PHACTR1: variants seen among roughly 807,000 people sequenced by gnomAD.
PHACTR1 encodes the protein phosphatase and actin regulator 1.
PHACTR1 carries 16 observed loss-of-function variants against 69.2 expected under a neutral mutation model. That is an observed-to-expected ratio of 0.23 (90% CI 0.16 to 0.35). The LOEUF (loss-of-function observed/expected upper bound fraction) is 0.35, where lower values mean the gene tolerates loss of function less well. PHACTR1 is among the 10% of genes least tolerant of loss of function. The pLI is 1.00. For missense variants in PHACTR1, 510 were observed against 734.7 expected, an observed-to-expected ratio of 0.69 and a Z score of 3.54; for synonymous variants, 312 against 284.5, an observed-to-expected ratio of 1.10 and a Z score of -0.97.
At chr6:12,912,214 G>A (rs1786491973) in intron 4 of PHACTR1, among the ~76,000 whole-genome samples, 1 of 152,146 alleles carries the variant, frequency 6.6e-6, no homozygotes, top group Non-Finnish European at 1.5e-5. Flanking sequence ...TGGCCAGGCT[G>A]GTCTTGAACT....
At chr6:13,258,142 G>T (rs942825139) in intron 10 of PHACTR1, among the ~76,000 whole-genome samples, 1 of 152,130 alleles carries the variant, frequency 6.6e-6, no homozygotes, top group African/African-American at 2.4e-5. Context: ...TGGATCACCT[G>T]AGGTCAGGAG....
chr6:12,924,641 G>A (rs1582513909), intron 4 of PHACTR1, among the ~76,000 whole-genome samples: 1 of 151,990 alleles, frequency 6.6e-6, no homozygotes, highest in East Asian at 1.9e-4. Flanking sequence ...GGGCAAGGGT[G>A]GCAGGCACCT....
chr6:13,122,649 A>T (rs1273228859), intron 5 of PHACTR1, among the ~76,000 whole-genome samples: 1 of 152,256 alleles, frequency 6.6e-6, no homozygotes, highest in East Asian at 1.9e-4. Context: ...CTACTTTTAA[A>T]TACTTAAAAT....
rs550837236 is a variant in PHACTR1 at position 13,120,803 on chromosome 6, G to C, written c.416-39401G>C. Among the ~76,000 whole-genome samples the C allele has an allele frequency of 1.5e-3, 233 of 152,258 alleles. 2 individuals are homozygous for C. Among genetic ancestry groups the C allele is most frequent in the Admixed American group, 2.4e-3 (37 of 15,296 alleles). On this transcript the variant is annotated intron_variant, in intron 5 of 14. Transcript: ENST00000332995. ...AGGACTCCATGCAGTCCTCATTATT[G>C]TTGTCATTTTAAAGCACATGTTTGC...
rs201623708 is a variant in PHACTR1, at chr6:13,187,061, C to T, written c.664+4375C>T. On this transcript the variant is annotated intron_variant, in intron 7 of 14. Coordinates refer to ENST00000332995, the MANE Select transcript of PHACTR1 (RefSeq NM_030948.6). ...TAGGGTTCGCGCTCATCTAATGCTG[C>T]TGTTGATTTGACAGGAGGTGGAGCT... 3.2e-4 allele frequency among the ~76,000 whole-genome samples: 49 copies of T among 152,212 alleles called. No homozygotes were observed. The East Asian group carries it at 9.5e-3, about 29-fold the overall frequency.
rs547706344 is a variant in PHACTR1, at chr6:13,219,337, G to A, written c.987-8479G>A. ...AGTCCTCATCCTTGTGAGCTTACTC[G>A]TTAGTGGGAGCGACAGGTAATAAGC... is the stretch of plus-strand genomic sequence containing the variant. On this transcript the variant is annotated intron_variant, in intron 8 of 14. Coordinates refer to ENST00000332995, the MANE Select transcript of PHACTR1 (RefSeq NM_030948.6). 3.2e-4 allele frequency among the ~76,000 whole-genome samples: 49 copies of A among 152,286 alleles called. No individual in the cohort carries two copies. The South Asian group carries it at 5.0e-3, about 15-fold the overall frequency.
At chr6:13,117,688 A>T (rs941143331) in intron 5 of PHACTR1, among the ~76,000 whole-genome samples, 2 of 152,224 alleles carry the variant, frequency 1.3e-5, no homozygotes, top group Non-Finnish European at 2.9e-5. Context: ...AATGGCATGT[A>T]ACATAATTTA....
chr6:13,170,366 C>A (rs980682232), intron 6 of PHACTR1, among the ~76,000 whole-genome samples: 6 of 152,146 alleles, frequency 3.9e-5, no homozygotes, highest in African/African-American at 1.4e-4. Flanking sequence ...ATGAAACCAC[C>A]CTTTCTAACT....
intron 6 of PHACTR1, among the ~76,000 whole-genome samples, chr6:13,180,870 C>T (rs1288773328): frequency 2.0e-5 from 3 of 152,168 alleles, no homozygotes; most frequent in Admixed American, 2.0e-4. Flanking sequence ...TGTGTGATTT[C>T]CATTGCATGG....
At chr6:12,738,544 G>A (rs946902248) in intron 3 of PHACTR1, among the ~76,000 whole-genome samples, 5 of 152,122 alleles carry the variant, frequency 3.3e-5, no homozygotes, top group Admixed American at 2.0e-4. Flanking sequence ...CCACGTTGAC[G>A]AGCCAGCTCT....
chr6:13,193,355 G>GTTTATATATATATATA (rs1763859518), intron 7 of PHACTR1, among the ~76,000 whole-genome samples: 1 of 45,078 alleles, frequency 2.2e-5, no homozygotes, highest in Non-Finnish European at 6.3e-5. Context: ...ATAGCTCTCT[G>GTTTATATATATATATA]TGTATATATA....
chr6:12,933,638 T>C, intron 4 of PHACTR1: 1 of 1,612,724 alleles, frequency 6.2e-7, no homozygotes, highest in Non-Finnish European at 8.5e-7. Context: ...TCCAGGCGTT[T>C]CCCTTTTTGG....
intron 4 of PHACTR1, among the ~76,000 whole-genome samples, chr6:12,985,333 G>A (rs1391728619): frequency 6.6e-6 from 1 of 151,888 alleles, no homozygotes; most frequent in Non-Finnish European, 1.5e-5. Flanking sequence ...GATTTTGCAT[G>A]GGCTCAAATA....
intron 8 of PHACTR1, among the ~76,000 whole-genome samples, chr6:13,215,412 G>T (rs989579237): frequency 5.1e-4 from 78 of 152,332 alleles, no homozygotes; most frequent in African/African-American, 1.9e-3. Flanking sequence ...GGAATAACCA[G>T]ATGGAGAGGA....
chr6:13,004,308 A>G (rs910456758), intron 4 of PHACTR1, among the ~76,000 whole-genome samples: 2 of 152,006 alleles, frequency 1.3e-5, no homozygotes, highest in African/African-American at 4.8e-5. Context: ...TTTCATATTA[A>G]TAATAGCCAT....
At chr6:12,885,779 G>A (rs1783574476) in intron 4 of PHACTR1, among the ~76,000 whole-genome samples, 1 of 152,138 alleles carries the variant, frequency 6.6e-6, no homozygotes, top group East Asian at 1.9e-4. Flanking sequence ...ATAAGATCTG[G>A]GAACACAATT....
chr6:13,012,227 G>A lies in PHACTR1; in HGVS notation c.251-41138G>A, dbSNP rs1799527989. Among the ~76,000 whole-genome samples, 5 of 152,346 alleles carry A rather than the reference G, an allele frequency of 3.3e-5. 1 individual carries two copies. The South Asian group carries it at 1.0e-3, about 32-fold the overall frequency. On this transcript the variant is annotated intron_variant, in intron 4 of 14. Coordinates refer to ENST00000332995, the MANE Select transcript of PHACTR1 (RefSeq NM_030948.6). ...GATGAGAAGTAGTAGAAATGATAGAGTGGTAGAATTGGAGTGATCAGAAGC... is the reference window on the plus strand; with the variant it reads ...GATGAGAAGTAGTAGAAATGATAGAATGGTAGAATTGGAGTGATCAGAAGC...
At chr6:13,192,964 TC>T (rs1763803564) in intron 7 of PHACTR1, among the ~76,000 whole-genome samples, 1 of 152,140 alleles carries the variant, frequency 6.6e-6, no homozygotes, top group Admixed American at 6.6e-5. Flanking sequence ...TAACCCTGAT[TC>T]CCCTGTATTC....
intron 4 of PHACTR1, among the ~76,000 whole-genome samples, chr6:12,865,717 G>A (rs1435548326): frequency 6.6e-6 from 1 of 152,216 alleles, no homozygotes; most frequent in African/African-American, 2.4e-5. Flanking sequence ...TGAATTTCTT[G>A]ATGTTCCGGG....
Sources: allele counts gnomAD v4.1 joint callset (sites outside exome capture counted in the v4.1 genomes callset), GRCh38; gene constraint gnomAD v4.1.1; transcripts MANE v1.5; gene names NCBI Gene and HGNC (gene_info 2026-07-23, HGNC 2026-07-21).